The following PCDHGB4 variants were observed in gnomAD, a reference collection of about 807,000 sequenced individuals.
PCDHGB4 encodes the protein protocadherin gamma-B4.
Under a neutral mutation model 60.5 loss-of-function variants are expected in PCDHGB4, and 38 were observed. The ratio of observed to expected loss-of-function variants is 0.63; its 90% CI spans 0.48 to 0.82. The LOEUF (loss-of-function observed/expected upper bound fraction) is 0.82. PCDHGB4 is among the 40% of genes least tolerant of loss of function. PCDHGB4 has a pLI of 0.00. For synonymous variants in PCDHGB4, 456 were observed against 509.7 expected (o/e 0.89, Z 1.42); for missense variants, 1,109 against 1,209.6 (o/e 0.92, Z 1.23).
intron 1 of PCDHGB4, chr5:141,478,354 C>T (rs141625672): frequency 1.2e-6 from 2 of 1,613,778 alleles, no homozygotes; most frequent in Non-Finnish European, 8.5e-7. Context: ...ACGCGGACGC[C>T]GTGCGGGGAG....
At chr5:141,404,089 T>A in intron 1 of PCDHGB4, 2 of 1,613,496 alleles carry the variant, frequency 1.2e-6, no homozygotes, top group Non-Finnish European at 1.7e-6. Flanking sequence ...CCGGGAAGAA[T>A]GGTCAAGTTG....
Position 141,423,433 on chromosome 5 carries a change from A to G in PCDHGB4, c.2397+33152A>G, listed in dbSNP as rs746170494. ...GGCTTCTGAAGGCGGGTTGGCAGGT[A>G]TGCCCACGTCACATTTTGTAGGCGT... On this transcript the variant is annotated intron_variant, in intron 1 of 3. Coordinates refer to ENST00000519479, the MANE Select transcript of PCDHGB4 (RefSeq NM_003736.4). 3.1e-6 allele frequency: 5 copies of G among 1,614,010 alleles called. No homozygotes were observed. The East Asian group carries it at 8.9e-5, about 29-fold the overall frequency.
chr5:141,468,039 A>G (rs1007212946), intron 1 of PCDHGB4, among the ~76,000 whole-genome samples: 21 of 152,262 alleles, frequency 1.4e-4, no homozygotes, highest in African/African-American at 5.1e-4. Context: ...CATTTAGAAA[A>G]CTAAGCCGGG....
At position 141,431,604 on chromosome 5, in the gene PCDHGB4, G is replaced by A; in HGVS notation, c.2397+41323G>A. On this transcript the variant is annotated intron_variant, in intron 1 of 3. Coordinates refer to ENST00000519479, the MANE Select transcript of PCDHGB4 (RefSeq NM_003736.4). The surrounding 1 kb of genome is among the most constrained non-coding windows in gnomAD (Gnocchi z 4.8). ...AATGCGGAAGTGAGGTATTCCTTCCGGTATGTGGACGACAAGGCGGCCCAA... is the reference window on the plus strand; with the variant it reads ...AATGCGGAAGTGAGGTATTCCTTCCAGTATGTGGACGACAAGGCGGCCCAA... 8 of 1,614,206 alleles carry A rather than the reference G, an allele frequency of 5.0e-6. No individual in the cohort carries two copies. Among genetic ancestry groups the A allele is most frequent in the Non-Finnish European group, 6.8e-6 (8 of 1,180,046 alleles).
At chr5:141,439,506 C>G (rs2098117403) in intron 1 of PCDHGB4, among the ~76,000 whole-genome samples, 1 of 152,234 alleles carries the variant, frequency 6.6e-6, no homozygotes, top group Non-Finnish European at 1.5e-5. Flanking sequence ...GTCTTTCTCT[C>G]TGCTCTCAAC....
At chr5:141,404,832 G>T in intron 1 of PCDHGB4, 1 of 1,613,864 alleles carries the variant, frequency 6.2e-7, no homozygotes, top group Non-Finnish European at 8.5e-7. Flanking sequence ...GGTGAAGTGC[G>T]CACAGCTCGG....
rs1224625072 is a variant in PCDHGB4, at chr5:141,490,972, C to T, written c.2398-3835C>T. ...AGACTGGGAACACTCAGCCCCCCAG[C>T]GTCTCCCTCGCTCTGCTCCTCCTGG... On this transcript the variant is annotated intron_variant, in intron 1 of 3. Transcript: ENST00000519479. This position sits in a 1 kb window ranked among gnomAD's most constrained non-coding sequence, Gnocchi z 5.4. The T allele has an allele frequency of 1.2e-5, 20 of 1,613,912 alleles. No individual in the cohort carries two copies. Among genetic ancestry groups the T allele is most frequent in the East Asian group, 4.5e-5 (2 of 44,882 alleles).
intron 1 of PCDHGB4, among the ~76,000 whole-genome samples, chr5:141,425,997 A>T (rs1365887915): frequency 6.6e-6 from 1 of 152,174 alleles, no homozygotes; most frequent in African/African-American, 2.4e-5. Context: ...GAATTAGCAA[A>T]GGCTTCCGGC....
At chr5:141,416,210 A>G (rs1264276644) in intron 1 of PCDHGB4, 2 of 152,420 alleles carry the variant, frequency 1.3e-5, no homozygotes, top group African/African-American at 4.8e-5. Flanking sequence ...TATTTATAAC[A>G]ATGTATGCTT....
At position 141,389,265 on chromosome 5, in the gene PCDHGB4, G is replaced by C. The variant is rs1452714844; in HGVS notation, c.1381G>C (p.Glu461Gln). The C allele has an allele frequency of 6.2e-7, 1 of 1,614,004 alleles. No individual in the cohort carries two copies. Among genetic ancestry groups the C allele is most frequent in the East Asian group, 2.2e-5 (1 of 44,874 alleles). ...SQSSYIVHVA[E>Q]NNPPGASISQ... The stretch of plus-strand genomic sequence containing the variant: ...GTCTTCCTATATAGTCCACGTGGCC[G>C]AGAACAACCCGCCTGGAGCCTCTAT... The change falls in exon 1 of 4, where the codon GAG becomes CAG. Residue 461 changes from glutamate to glutamine, a missense_variant. Physicochemically the swap from Glu to Gln is conservative, Grantham distance 29. This residue lies in a region of PCDHGB4 where 1,068 missense variants were observed against 1,089.9 expected (regional missense o/e 0.98). Transcript: ENST00000519479.
rs1248410660 is a variant in PCDHGB4, at chr5:141,394,098, A to G, written c.2397+3817A>G. On this transcript the variant is annotated intron_variant, in intron 1 of 3. Transcript: ENST00000519479. The stretch of plus-strand genomic sequence containing the variant: ...CACAGTGATGGCCTCAGATCTAGGA[A>G]CACCACCTCTGTCCACTGAAACTCA... 2.5e-6 allele frequency: 4 copies of G among 1,613,854 alleles called. No individual in the cohort carries two copies. In the East Asian group the frequency reaches 8.9e-5, roughly 36 times the overall value.
In PCDHGB4 at chr5:141,498,877, G is replaced by A. The variant is rs886444261; in HGVS notation, c.2456+4012G>A. ...GAACCCAGGAGGCGGAGGTTGCAGTGAGCTGAGATCACACCACTGCACTCC... is the reference window on the plus strand; with the variant it reads ...GAACCCAGGAGGCGGAGGTTGCAGTAAGCTGAGATCACACCACTGCACTCC... On this transcript the variant is annotated intron_variant, in intron 2 of 3. Coordinates refer to ENST00000519479, the MANE Select transcript of PCDHGB4 (RefSeq NM_003736.4). Among the ~76,000 whole-genome samples, 8 of 149,816 alleles carry A rather than the reference G, an allele frequency of 5.3e-5. No individual in the cohort carries two copies. In the East Asian group the frequency reaches 1.4e-3, roughly 26 times the overall value.
chr5:141,436,700 C>T (rs2097841356), intron 1 of PCDHGB4, among the ~76,000 whole-genome samples: 1 of 152,166 alleles, frequency 6.6e-6, no homozygotes, highest in Non-Finnish European at 1.5e-5. Flanking sequence ...AATGCCAGCA[C>T]ACTCGATGTT....
rs749044339 is a variant in PCDHGB4, at chr5:141,477,410, G to A, written c.2398-17397G>A. On this transcript the variant is annotated intron_variant, in intron 1 of 3. Coordinates refer to ENST00000519479, the MANE Select transcript of PCDHGB4 (RefSeq NM_003736.4). This position sits in a 1 kb window ranked among gnomAD's most constrained non-coding sequence, Gnocchi z 4.9. ...CAACCTCAGCATCACCGCCCGAGAC[G>A]CCGGAACCCCTTCCCTCTCAGCCCT... 66 of 1,613,988 alleles carry A rather than the reference G, an allele frequency of 4.1e-5. 1 individual carries two copies. The South Asian group carries it at 7.0e-4, about 17-fold the overall frequency.
In PCDHGB4 at chr5:141,395,543, TG is replaced by T. The variant is rs1247307480; in HGVS notation, c.2397+5263del. 6.3e-3 allele frequency: 52 copies of T among 8,206 alleles called. 1 individual carries two copies. The highest frequency in any genetic ancestry group is 0.048 in the African/African-American group (46 of 952). 0.5% of individuals were successfully genotyped at this position (8,206 alleles called of 1,614,324 possible). On this transcript the variant is annotated intron_variant, in intron 1 of 3. Coordinates refer to ENST00000519479, the MANE Select transcript of PCDHGB4 (RefSeq NM_003736.4). ...CCATACTGGTAATTTTGCTATTGTT[TG>T]TGTGTGTGTGTGTGTGTGTGTGTGT...
Position 141,423,519 on chromosome 5 carries a change from G to A in PCDHGB4, c.2397+33238G>A, listed in dbSNP as rs758742300. On this transcript the variant is annotated intron_variant, in intron 1 of 3. Coordinates refer to ENST00000519479, the MANE Select transcript of PCDHGB4 (RefSeq NM_003736.4). ...ACGAGGTCTCTCTCATTGCGGACTC[G>A]CAGAAGAGTCACCTGATTTTCCCCC... 8.1e-6 allele frequency: 13 copies of A among 1,613,752 alleles called. 1 individual carries two copies. In the South Asian group the frequency reaches 1.1e-4, roughly 14 times the overall value.
chr5:141,496,984 G>C (rs938752499), intron 2 of PCDHGB4, among the ~76,000 whole-genome samples: 1 of 151,896 alleles, frequency 6.6e-6, no homozygotes, highest in Admixed American at 6.6e-5. Context: ...TCAGGGGTTT[G>C]AGACCAGCCT....
intron 1 of PCDHGB4, chr5:141,423,625 A>G (rs375112361): frequency 1.6e-5 from 25 of 1,606,754 alleles, no homozygotes; most frequent in Admixed American, 6.8e-5. Flanking sequence ...AGACTCAGCT[A>G]TCATTTTAGG....
chr5:141,418,058 C>A (rs2096216434), intron 1 of PCDHGB4: 1 of 1,613,872 alleles, frequency 6.2e-7, no homozygotes, highest in Non-Finnish European at 8.5e-7. Flanking sequence ...TCGCGAGCTG[C>A]GAGTGAGCGC....
Sources: allele counts gnomAD v4.1 joint callset (sites outside exome capture counted in the v4.1 genomes callset), GRCh38; gene constraint gnomAD v4.1.1; regional missense constraint gnomAD v4.1.1; non-coding constraint Gnocchi (gnomAD v3.1); transcripts MANE v1.5; gene names NCBI Gene and HGNC (gene_info 2026-07-23, HGNC 2026-07-21).